Variants in MITF observed in about 807,000 individuals in gnomAD.
The protein encoded by MITF is microphthalmia-associated transcription factor.
In MITF, 17 loss-of-function variants were observed where a neutral mutation model predicts 60.5. That is an observed-to-expected ratio of 0.28 (90% confidence interval 0.19 to 0.42). The LOEUF is 0.42. Ranked by LOEUF, MITF falls within the 10% of genes least tolerant of loss-of-function variation. MITF has a pLI of 1.00. For synonymous variants in MITF, 260 were observed against 248.5 expected, an observed-to-expected ratio of 1.05 and a Z score of -0.43; for missense variants, 622 against 683.5, an observed-to-expected ratio of 0.91 and a Z score of 1.00.
chr3:69,962,552 A>T lies in MITF; in HGVS notation c.1180-2295A>T, dbSNP rs199705539. On this transcript the variant is annotated intron_variant, in intron 9 of 9. Coordinates refer to ENST00000352241, the MANE Select transcript of MITF (RefSeq NM_001354604.2). ...GCTTGTGGGCAGAGGTTGAGAGGCC[A>T]TGTCATATGGAGAGTCCTTCCCCTC... Among the ~76,000 whole-genome samples the T allele has an allele frequency of 1.2e-4, 18 of 152,318 alleles. No individual in the cohort carries two copies. The East Asian group carries it at 2.9e-3, about 25-fold the overall frequency.
At position 69,879,212 on chromosome 3, in the gene MITF, G is replaced by A. The variant is rs2107276605; in HGVS notation, c.183G>A (p.Gln61=). Residue 61 remains glutamine (Q), a synonymous_variant, in exon 2 of 10, where the codon CAG becomes CAA. Coordinates refer to ENST00000352241, the MANE Select transcript of MITF (RefSeq NM_001354604.2). The stretch of plus-strand genomic sequence containing the variant: ...TGACATCACGCATCTTGCTACGCCA[G>A]CAACTCATGCGTGAGCAGATGCAGG... ...SSMTSRILLR[Q]QLMREQMQEQ... is the part of the protein sequence containing the mutation. The A allele has an allele frequency of 1.2e-6, 2 of 1,614,214 alleles. No homozygotes were observed. The highest frequency in any genetic ancestry group is 1.7e-6 in the Non-Finnish European group (2 of 1,180,036).
chr3:69,931,857 G>A (rs1166482330), intron 2 of MITF, among the ~76,000 whole-genome samples: 2 of 152,150 alleles, frequency 1.3e-5, no homozygotes, highest in African/African-American at 2.4e-5. Flanking sequence ...TCTCTAGTTC[G>A]CCTCTGCGGA....
At chr3:69,750,372 A>G (rs1057224763) in intron 1 of MITF, among the ~76,000 whole-genome samples, 5 of 142,998 alleles carry the variant, frequency 3.5e-5, no homozygotes, top group African/African-American at 5.2e-5. Flanking sequence ...AGAGGAAACT[A>G]TAGAGCTTTC....
At chr3:69,895,808 T>TTG (rs35088149) in intron 2 of MITF, among the ~76,000 whole-genome samples, 58,532 of 139,860 alleles carry the variant, frequency 0.42, 12,770 homozygotes, top group Non-Finnish European at 0.51. Context: ...TGTGGAGTGT[T>TTG]TGTGTGTGTG....
At chr3:69,879,923 TAG>T (rs1225204949) in intron 2 of MITF, among the ~76,000 whole-genome samples, 1 of 152,194 alleles carries the variant, frequency 6.6e-6, no homozygotes, top group African/African-American at 2.4e-5. Flanking sequence ...GATTTCTTGC[TAG>T]AGTAGAAACT....
chr3:69,924,778 C>G (rs1302436069), intron 2 of MITF, among the ~76,000 whole-genome samples: 2 of 152,196 alleles, frequency 1.3e-5, no homozygotes, highest in Admixed American at 6.5e-5. Flanking sequence ...AAGAGAACCA[C>G]TGACTGATCC....
chr3:69,839,871 T>C (rs971920698), intron 1 of MITF, among the ~76,000 whole-genome samples: 1 of 152,006 alleles, frequency 6.6e-6, no homozygotes, highest in Non-Finnish European at 1.5e-5. Flanking sequence ...ATATAAATAA[T>C]TGCACCCCAT....
chr3:69,781,331 G>A (rs952591812), intron 1 of MITF, among the ~76,000 whole-genome samples: 2 of 152,066 alleles, frequency 1.3e-5, no homozygotes, highest in African/African-American at 2.4e-5. Flanking sequence ...TGTTACATAA[G>A]ACTTCCAAAT....
intron 2 of MITF, among the ~76,000 whole-genome samples, chr3:69,894,283 TA>T (rs1217134606): frequency 5.9e-5 from 9 of 152,256 alleles, no homozygotes; most frequent in Non-Finnish European, 1.5e-5. Context: ...TTTTCATTGC[TA>T]ATCAAGTTGC....
At chr3:69,950,621 T>TGG (rs1380794218) in intron 6 of MITF, among the ~76,000 whole-genome samples, 1 of 144,190 alleles carries the variant, frequency 6.9e-6, no homozygotes, top group African/African-American at 2.7e-5. Context: ...TAAATATATA[T>TGG]GGTGTGTATA....
intron 2 of MITF, among the ~76,000 whole-genome samples, chr3:69,914,035 C>A (rs949489618): frequency 2.0e-5 from 3 of 152,156 alleles, no homozygotes; most frequent in Non-Finnish European, 4.4e-5. Flanking sequence ...TGGTTGCCTT[C>A]CTCTACTGCC....
chr3:69,891,812 G>A (rs1329080302), intron 2 of MITF, among the ~76,000 whole-genome samples: 2 of 152,202 alleles, frequency 1.3e-5, no homozygotes, highest in East Asian at 1.9e-4. Context: ...GTTGCCTTGA[G>A]TTGCTCAGTG....
intron 2 of MITF, among the ~76,000 whole-genome samples, chr3:69,897,899 A>T (rs531669268): frequency 6.6e-6 from 1 of 152,222 alleles, no homozygotes; most frequent in Non-Finnish European, 1.5e-5. Context: ...AGTCATTATT[A>T]TTCTGTACTG....
chr3:69,951,791 T>C (rs1425624562), intron 6 of MITF, 21 bp from the exon 7 acceptor site: 3 of 1,604,140 alleles, frequency 1.9e-6, no homozygotes, highest in Non-Finnish European at 2.6e-6. Flanking sequence ...CAACTTCTAA[T>C]GACTTCATTC....
intron 1 of MITF, among the ~76,000 whole-genome samples, chr3:69,830,164 G>C (rs542955687): frequency 1.1e-4 from 16 of 152,210 alleles, no homozygotes; most frequent in African/African-American, 3.1e-4. Flanking sequence ...CTTTCATCAG[G>C]TTCTATCGGT....
chr3:69,826,843 A>G (rs2063362957), intron 1 of MITF, among the ~76,000 whole-genome samples: 2 of 152,208 alleles, frequency 1.3e-5, no homozygotes, highest in South Asian at 2.1e-4. Context: ...TACTATTTGT[A>G]TCTGGTTGCT....
chr3:69,818,221 A>G (rs529662756), intron 1 of MITF, among the ~76,000 whole-genome samples: 8 of 152,262 alleles, frequency 5.3e-5, no homozygotes, highest in African/African-American at 1.9e-4. Flanking sequence ...ACTTAAGGGG[A>G]CCTAGGAAGC....
intron 8 of MITF, 90 bp downstream of exon 8, chr3:69,956,620 A>G (rs1349152234): frequency 2.8e-6 from 3 of 1,055,166 alleles, no homozygotes; most frequent in Non-Finnish European, 4.4e-6. Flanking sequence ...TGTAAAAACT[A>G]AAGTAAAGAA....
At chr3:69,836,141 A>G (rs1358179952) in intron 1 of MITF, among the ~76,000 whole-genome samples, 5 of 151,870 alleles carry the variant, frequency 3.3e-5, no homozygotes, top group African/African-American at 9.7e-5. Flanking sequence ...GTCTTCTTCA[A>G]TTTCTTTCTT....
Sources: allele counts gnomAD v4.1 joint callset (sites outside exome capture counted in the v4.1 genomes callset), GRCh38; gene constraint gnomAD v4.1.1; transcripts MANE v1.5; gene names NCBI Gene and HGNC (gene_info 2026-07-23, HGNC 2026-07-21).